Variants in PSD3 observed in about 807,000 individuals in gnomAD.
PSD3 encodes pleckstrin and Sec7 domain containing 3.
PSD3 carries 49 observed loss-of-function variants against 105.5 expected under a neutral mutation model. The observed-to-expected ratio is 0.46, with a 90% CI of 0.37 to 0.59. The LOEUF (loss-of-function observed/expected upper bound fraction) is 0.59, where lower values mean the gene tolerates loss of function less well. PSD3 is among the 20% of genes least tolerant of loss of function. The pLI is 0.00. For synonymous variants in PSD3, 557 were observed against 457.8 expected, an observed-to-expected ratio of 1.22 and a Z score of -2.77; for missense variants, 1,561 against 1,263.8, an observed-to-expected ratio of 1.24 and a Z score of -3.57.
intron 4 of PSD3, among the ~76,000 whole-genome samples, chr8:18,828,384 C>G (rs1328777676): frequency 2.0e-5 from 3 of 152,078 alleles, no homozygotes; most frequent in African/African-American, 7.2e-5. Context: ...ATTCAAGACT[C>G]AAGTTCATTT....
At chr8:18,991,779 G>A (rs981622692) in intron 1 of PSD3, among the ~76,000 whole-genome samples, 1 of 152,114 alleles carries the variant, frequency 6.6e-6, no homozygotes, top group African/African-American at 2.4e-5. Context: ...CCTCAATCTA[G>A]CTTCAAAACA....
chr8:18,880,469 T>A (rs1818036469), intron 2 of PSD3, among the ~76,000 whole-genome samples: 1 of 152,148 alleles, frequency 6.6e-6, no homozygotes, highest in Non-Finnish European at 1.5e-5. Context: ...GACTCAGGAA[T>A]AACCACGCAG....
intron 11 of PSD3, among the ~76,000 whole-genome samples, chr8:18,607,023 T>C (rs1804889013): frequency 6.6e-6 from 1 of 152,222 alleles, no homozygotes; most frequent in African/African-American, 2.4e-5. Context: ...TAAGTAAATA[T>C]TTTCTAAAGA....
At chr8:18,628,462 C>A (rs565452095) in intron 11 of PSD3, among the ~76,000 whole-genome samples, 1 of 151,804 alleles carries the variant, frequency 6.6e-6, no homozygotes, top group East Asian at 1.9e-4. Flanking sequence ...GGAAAAACAA[C>A]CTGCCAAAGG....
chr8:18,846,526 G>A lies in PSD3; in HGVS notation c.1634+21148C>T, dbSNP rs1056162520. ...GGGGAAACTCACACCAGGAAGCCAT[G>A]AATGTCTCTGGGAGGTTGTATTCCT... On this transcript the variant is annotated intron_variant, in intron 4 of 15. Transcript: ENST00000327040. Among the ~76,000 whole-genome samples, 5 of 152,328 alleles carry A rather than the reference G, an allele frequency of 3.3e-5. No individual in the cohort carries two copies. The South Asian group carries it at 6.2e-4, about 19-fold the overall frequency.
intron 1 of PSD3, among the ~76,000 whole-genome samples, chr8:19,071,666 T>A (rs534366134): frequency 6.6e-6 from 1 of 152,316 alleles, no homozygotes; most frequent in African/African-American, 2.4e-5. Context: ...ATGACTTTTA[T>A]AGAGTTAGTC....
chr8:18,961,809 G>A (rs955163800), intron 1 of PSD3, among the ~76,000 whole-genome samples: 3 of 151,880 alleles, frequency 2.0e-5, no homozygotes, highest in African/African-American at 7.3e-5. Flanking sequence ...CAGATATACC[G>A]CCTAACAAAA....
In PSD3 at chr8:18,867,958, G is replaced by A. The variant is rs781721467; in HGVS notation, c.1350C>T (p.Asp450=). 1.2e-6 allele frequency: 2 copies of A among 1,614,172 alleles called. No homozygotes were observed. Among genetic ancestry groups the A allele is most frequent in the South Asian group, 1.1e-5 (1 of 91,080 alleles). Residue 450 remains aspartate (D), a synonymous_variant, in exon 4 of 16, where the codon GAC becomes GAT. Coordinates refer to ENST00000327040, the MANE Select transcript of PSD3 (RefSeq NM_015310.4). ...CTGCACTGTAGTATAAAGAAGTGTT[G>A]TCCAAAATGGTTTCAAACTGGGAGC... The part of the protein sequence containing the change: ...VYSSQFETIL[D]NTSLYYSAES...
intron 2 of PSD3, among the ~76,000 whole-genome samples, chr8:18,916,341 T>TACAC (rs1820597292): frequency 2.7e-4 from 12 of 44,892 alleles, no homozygotes; most frequent in Admixed American, 2.3e-3. Flanking sequence ...TATATATATA[T>TACAC]ATATATATAC....
chr8:19,021,978 A>G (rs965038105), intron 1 of PSD3, among the ~76,000 whole-genome samples: 2 of 152,242 alleles, frequency 1.3e-5, no homozygotes, highest in African/African-American at 4.8e-5. Context: ...AGGTTCTGCA[A>G]GCTGTATAAG....
At chr8:18,787,500 T>C (rs992945182) in intron 8 of PSD3, among the ~76,000 whole-genome samples, 1 of 151,998 alleles carries the variant, frequency 6.6e-6, no homozygotes, top group African/African-American at 2.4e-5. Flanking sequence ...AAGTGGAAAG[T>C]TTAAAAAAAA....
At chr8:19,014,682 G>T (rs926297232), upstream of PSD3, among the ~76,000 whole-genome samples, 1 of 152,202 alleles carries the variant, frequency 6.6e-6, no homozygotes, top group East Asian at 1.9e-4. This position sits in a 1 kb window ranked among gnomAD's most constrained non-coding sequence, Gnocchi z 4.9. Flanking sequence ...GGTAGAAGAC[G>T]CCCCAATAAC....
intron 12 of PSD3, among the ~76,000 whole-genome samples, chr8:18,592,749 A>T (rs925743599): frequency 4.6e-5 from 7 of 152,206 alleles, no homozygotes; most frequent in African/African-American, 1.7e-4. Flanking sequence ...TACATCCAGC[A>T]AAACTACCCT....
In PSD3 at chr8:18,991,337, A is replaced by AAC. The variant is rs1223831955; in HGVS notation, c.21+22224_21+22225dup. On this transcript the variant is annotated intron_variant, in intron 1 of 15. Transcript: ENST00000327040. ...CGGACAATAATCTTGGGCAACAGAA[A>AAC]ACACACACACACACATACACACACA... 8.5e-5 allele frequency among the ~76,000 whole-genome samples: 9 copies of AAC among 105,816 alleles called. No homozygotes were observed. In the East Asian group the frequency reaches 1.2e-3, roughly 14 times the overall value. The allele number at this position is 105,816 out of a possible 152,430, so 69.4% of individuals were successfully genotyped here.
intron 4 of PSD3, among the ~76,000 whole-genome samples, chr8:18,858,509 C>T (rs1816196997): frequency 6.6e-6 from 1 of 152,102 alleles, no homozygotes; most frequent in Admixed American, 6.5e-5. Flanking sequence ...CAAAATATTT[C>T]TCTGTAGCCT....
At chr8:18,946,267 C>CG (rs1405819534) in intron 1 of PSD3, among the ~76,000 whole-genome samples, 1 of 152,092 alleles carries the variant, frequency 6.6e-6, no homozygotes, top group Non-Finnish European at 1.5e-5. Context: ...GCATGTGTAG[C>CG]ATTTTTTTCC....
intron 4 of PSD3, among the ~76,000 whole-genome samples, chr8:18,827,880 C>A (rs1813329427): frequency 6.7e-6 from 1 of 149,896 alleles, no homozygotes; most frequent in Non-Finnish European, 1.5e-5. Flanking sequence ...TTTAGCCAAC[C>A]TTTAAGCAAC....
At chr8:18,555,183 G>C (rs1041037056) in intron 15 of PSD3, among the ~76,000 whole-genome samples, 1 of 152,112 alleles carries the variant, frequency 6.6e-6, no homozygotes, top group African/African-American at 2.4e-5. Flanking sequence ...GGAGAGCGGA[G>C]TGAGAGGAGA....
At chr8:18,879,380 T>G (rs1252849632) in intron 2 of PSD3, among the ~76,000 whole-genome samples, 1 of 152,180 alleles carries the variant, frequency 6.6e-6, no homozygotes, top group Non-Finnish European at 1.5e-5. Context: ...TCGTGGTCTG[T>G]GTTTACTGTT....
Sources: allele counts gnomAD v4.1 joint callset (sites outside exome capture counted in the v4.1 genomes callset), GRCh38; gene constraint gnomAD v4.1.1; non-coding constraint Gnocchi (gnomAD v3.1); transcripts MANE v1.5; gene names NCBI Gene and HGNC (gene_info 2026-07-23, HGNC 2026-07-21).